The following XPO4 variants were observed in gnomAD, a reference collection of about 807,000 sequenced individuals.
The protein encoded by XPO4 is exportin 4.
Under a neutral mutation model 143.0 loss-of-function variants are expected in XPO4, and 39 were observed. The ratio of observed to expected loss-of-function variants is 0.27; its 90% CI spans 0.21 to 0.36. The LOEUF (loss-of-function observed/expected upper bound fraction) is 0.36. Ranked by LOEUF, XPO4 falls within the 10% of genes least tolerant of loss-of-function variation. The probability of loss-of-function intolerance (pLI) is 1.00; values close to 1 mark genes in which losing one functional copy is unlikely to be tolerated. For missense variants in XPO4, 907 were observed against 1,348.0 expected, an observed-to-expected ratio of 0.67 and a Z score of 5.12; for synonymous variants, 439 against 474.0, an observed-to-expected ratio of 0.93 and a Z score of 0.96.
chr13:20,883,833 T>G (rs895948887), intron 1 of XPO4, among the ~76,000 whole-genome samples: 1 of 152,212 alleles, frequency 6.6e-6, no homozygotes, highest in African/African-American at 2.4e-5. Context: ...AATGGCGTGA[T>G]CTCCACTCAC....
rs780258400 is a variant in XPO4, at chr13:20,809,848, T to C, written c.1293A>G (p.Gln431=). ...GGCACTGAATATAGGAATTGAAAAC[T>C]TGAACTGCATGTTGGGTAAAAAAGC... ...HKGFFTQHAV[Q]VFNSYIQCHL... The change falls in exon 10 of 23, where the codon CAA becomes CAG. Residue 431 remains glutamine, a synonymous_variant. Transcript: ENST00000255305. 6.2e-7 allele frequency: 1 copy of C among 1,613,856 alleles called. No homozygotes were observed. The highest frequency in any genetic ancestry group is 8.5e-7 in the Non-Finnish European group (1 of 1,179,872).
At chr13:20,874,294 A>G (rs1420475135) in intron 1 of XPO4, among the ~76,000 whole-genome samples, 8 of 152,254 alleles carry the variant, frequency 5.3e-5, no homozygotes, top group Non-Finnish European at 1.0e-4. Flanking sequence ...AAGCTACAAA[A>G]CTAGAAAAGA....
At chr13:20,813,949 C>T (rs916513680) in intron 9 of XPO4, among the ~76,000 whole-genome samples, 6 of 146,682 alleles carry the variant, frequency 4.1e-5, no homozygotes, top group African/African-American at 1.3e-4. Flanking sequence ...CAGAGCAAGA[C>T]GCTGTCTCAA....
At chr13:20,898,940 C>T (rs1373665671) in intron 1 of XPO4, among the ~76,000 whole-genome samples, 1 of 152,080 alleles carries the variant, frequency 6.6e-6, no homozygotes, top group African/African-American at 2.4e-5. Context: ...CTTTAGGAGG[C>T]CAAGGCAAGA....
chr13:20,901,561 ATTAAG>A (rs569324350), intron 1 of XPO4, among the ~76,000 whole-genome samples: 58 of 152,260 alleles, frequency 3.8e-4, no homozygotes, highest in Admixed American at 7.9e-4. Flanking sequence ...CAAAACGTAC[ATTAAG>A]TTAATATTCA....
chr13:20,785,976 GAGGA>G (rs57331137), intron 22 of XPO4, among the ~76,000 whole-genome samples: 71,820 of 141,730 alleles, frequency 0.51, 19,610 homozygotes, highest in East Asian at 0.83. Flanking sequence ...AAGAAAAAGA[GAGGA>G]AGGAAGGAAG....
intron 6 of XPO4, among the ~76,000 whole-genome samples, chr13:20,840,588 C>A (rs1250256769): frequency 6.6e-6 from 1 of 152,188 alleles, no homozygotes; most frequent in Non-Finnish European, 1.5e-5. Flanking sequence ...CTCCATGGTA[C>A]AAGGCTGCAT....
intron 6 of XPO4, among the ~76,000 whole-genome samples, chr13:20,829,419 T>C (rs767510302): frequency 1.2e-3 from 179 of 152,196 alleles, no homozygotes; most frequent in Admixed American, 2.4e-3. Context: ...ATGATTTTAT[T>C]TTTAAATTAT....
chr13:20,902,571 C>T (rs2060632216), intron 1 of XPO4, 99 bp downstream of exon 1: 1 of 1,393,076 alleles, frequency 7.2e-7, no homozygotes, highest in Non-Finnish European at 9.4e-7. Flanking sequence ...TCCCTGCAGG[C>T]CCTTGCCAGT....
At chr13:20,890,348 G>A (rs1169526679) in intron 1 of XPO4, among the ~76,000 whole-genome samples, 1 of 152,084 alleles carries the variant, frequency 6.6e-6, no homozygotes, top group Non-Finnish European at 1.5e-5. Context: ...TACCTGGGAG[G>A]CTGAGGTGGG....
intron 1 of XPO4, among the ~76,000 whole-genome samples, chr13:20,875,096 C>G (rs549143574): frequency 1.3e-5 from 2 of 152,082 alleles, no homozygotes; most frequent in Non-Finnish European, 2.9e-5. Flanking sequence ...AATTAGAAAA[C>G]GATAGATGTA....
chr13:20,823,798 C>A (rs888135253), intron 7 of XPO4, among the ~76,000 whole-genome samples: 1 of 152,092 alleles, frequency 6.6e-6, no homozygotes, highest in African/African-American at 2.4e-5. Flanking sequence ...ATTACAGGCA[C>A]GTGCCACGGC....
At position 20,790,534 on chromosome 13, in the gene XPO4, A is replaced by C; in HGVS notation, c.2844T>G (p.Ser948=). 6.2e-7 allele frequency: 1 copy of C among 1,614,200 alleles called. No individual in the cohort carries two copies. The highest frequency in any genetic ancestry group is 1.6e-4 in the Middle Eastern group (1 of 6,062). ...ACAACACAACATCCGCTGCTGACAC[A>C]GATCTGTTTGCTGCTTGACCTGGCT... ...GHEPGQAANR[S]VSAADVVLYG... is the part of the protein sequence containing the mutation. The change falls in exon 19 of 23, where the codon TCT becomes TCG. Residue 948 remains serine (S), a synonymous_variant. Coordinates refer to ENST00000255305, the MANE Select transcript of XPO4 (RefSeq NM_022459.5).
intron 1 of XPO4, chr13:20,902,101 C>T (rs2060625653): frequency 1.0e-6 from 1 of 985,430 alleles, no homozygotes; most frequent in African/African-American, 1.7e-5. Flanking sequence ...CCCCAATGAC[C>T]TTGGTCTCAA....
intron 18 of XPO4, among the ~76,000 whole-genome samples, chr13:20,794,957 G>C (rs933278930): frequency 6.0e-5 from 9 of 149,876 alleles, no homozygotes; most frequent in African/African-American, 2.0e-4. Flanking sequence ...CTGTGAAGTT[G>C]ATGGTACCTA....
chr13:20,896,466 G>A (rs1447457031), intron 1 of XPO4, among the ~76,000 whole-genome samples: 5 of 152,108 alleles, frequency 3.3e-5, no homozygotes, highest in Non-Finnish European at 5.9e-5. Flanking sequence ...TCTTATCAGT[G>A]CCCTATAATT....
chr13:20,861,773 CTCTCTTTTTTTTTT>C (rs1245904090), intron 3 of XPO4, among the ~76,000 whole-genome samples: 1 of 126,464 alleles, frequency 7.9e-6, no homozygotes, highest in Non-Finnish European at 1.6e-5. Context: ...TTGCACATTT[CTCTCTTTTTTTTTT>C]TTTTTTTTTT....
At chr13:20,799,825 T>G (rs965241300) in intron 15 of XPO4, among the ~76,000 whole-genome samples, 2 of 152,216 alleles carry the variant, frequency 1.3e-5, no homozygotes, top group Non-Finnish European at 2.9e-5. Flanking sequence ...TATTTAATCT[T>G]TAAAATGGGG....
chr13:20,787,374 T>C (rs4146442), intron 21 of XPO4, 107 bp downstream of exon 21: 758,799 of 1,046,224 alleles, frequency 0.73, 278,421 homozygotes, highest in East Asian at 1. Flanking sequence ...ATGGTTTCCT[T>C]GCCCCCGAAA....
Sources: allele counts gnomAD v4.1 joint callset (sites outside exome capture counted in the v4.1 genomes callset), GRCh38; gene constraint gnomAD v4.1.1; transcripts MANE v1.5; gene names NCBI Gene and HGNC (gene_info 2026-07-23, HGNC 2026-07-21).